The following PRPSAP1 variants were observed in gnomAD, a reference collection of about 807,000 sequenced individuals.
PRPSAP1 encodes phosphoribosyl pyrophosphate synthase-associated protein 1.
PRPSAP1 carries 31 observed loss-of-function variants against 39.4 expected under a neutral mutation model. The observed-to-expected ratio is 0.79, with a 90% CI of 0.59 to 1.06. The LOEUF is 1.06. Among genes scored for constraint, PRPSAP1 ranks in the 50% least tolerant of loss-of-function variants. PRPSAP1 has a pLI of 0.00. For missense variants in PRPSAP1, 430 were observed against 511.6 expected, an observed-to-expected ratio of 0.84 and a Z score of 1.54; for synonymous variants, 212 against 192.6, an observed-to-expected ratio of 1.10 and a Z score of -0.83.
intron 2 of PRPSAP1, among the ~76,000 whole-genome samples, chr17:76,347,563 A>T (rs2071523110): frequency 6.6e-6 from 1 of 150,930 alleles, no homozygotes; most frequent in Admixed American, 6.6e-5. Context: ...CAGGGAGCCA[A>T]GGGGCCAGGA....
chr17:76,342,007 A>G (rs1402739736), intron 3 of PRPSAP1, among the ~76,000 whole-genome samples: 1 of 152,136 alleles, frequency 6.6e-6, no homozygotes, highest in African/African-American at 2.4e-5. Context: ...GAGGCAAACA[A>G]TACAAAACCA....
chr17:76,349,947 G>A (rs2071549706), intron 1 of PRPSAP1, among the ~76,000 whole-genome samples: 1 of 151,806 alleles, frequency 6.6e-6, no homozygotes, highest in South Asian at 2.1e-4. Context: ...TTAGCTGGGT[G>A]TGGTGGTGGG....
In PRPSAP1 at chr17:76,310,930, C is replaced by A. The variant is rs2071064650; in HGVS notation, c.*612G>T. 2 of 152,142 alleles carry A rather than the reference C, an allele frequency of 1.3e-5. No individual in the cohort carries two copies. Among genetic ancestry groups the A allele is most frequent in the African/African-American group, 4.8e-5 (2 of 41,416 alleles). 9.4% of individuals were successfully genotyped at this position (152,142 alleles called of 1,614,324 possible). A position where few individuals can be genotyped will look rare whatever the true frequency, so the allele number is the denominator to read the frequency against. Reference sequence around the variant, plus strand: ...TTCTGCTGTCTAATGAAAAGACTAGCAAGACAACAAATTATTTTATTTGCA... The same window carrying A: ...TTCTGCTGTCTAATGAAAAGACTAGAAAGACAACAAATTATTTTATTTGCA... On this transcript the variant is annotated 3_prime_UTR_variant, in exon 10 of 10. Transcript: ENST00000446526.
At position 76,333,794 on chromosome 17, in the gene PRPSAP1, T is replaced by G. The variant is rs376991621; in HGVS notation, c.291-1359A>C. On this transcript the variant is annotated intron_variant, in intron 3 of 9. Coordinates refer to ENST00000446526, the MANE Select transcript of PRPSAP1 (RefSeq NM_002766.3). The stretch of plus-strand genomic sequence containing the variant: ...TAGAAGGAAAGGCAATTTCCAATGA[T>G]TATAAATTTGGATTGCTAGCTTTTG... 9.2e-5 allele frequency among the ~76,000 whole-genome samples: 14 copies of G among 152,370 alleles called. No homozygotes were observed. In the East Asian group the frequency reaches 2.5e-3, roughly 27 times the overall value.
At chr17:76,330,703 C>G in intron 4 of PRPSAP1, 37 bp from the exon 5 acceptor site, 1 of 1,422,828 alleles carries the variant, frequency 7.0e-7, no homozygotes. Flanking sequence ...AAGTTCACCC[C>G]TACAGGTAAA....
intron 1 of PRPSAP1, 22 bp downstream of exon 1, chr17:76,353,512 G>A (rs1208111790): frequency 9.5e-6 from 14 of 1,478,464 alleles, no homozygotes; most frequent in African/African-American, 1.5e-5. Context: ...CCCCCGGCCC[G>A]GCCCTCCCAC....
intron 7 of PRPSAP1, among the ~76,000 whole-genome samples, chr17:76,317,448 C>G (rs185088739): frequency 0.016 from 2,384 of 152,170 alleles, 74 homozygotes; most frequent in African/African-American, 0.055. Flanking sequence ...TGCTTGAACC[C>G]GGGAGGTGGA....
intron 2 of PRPSAP1, among the ~76,000 whole-genome samples, chr17:76,347,248 A>G (rs2071514835): frequency 6.6e-6 from 1 of 151,938 alleles, no homozygotes; most frequent in African/African-American, 2.4e-5. Context: ...ACACTTTGGG[A>G]GGCCAAGACG....
rs2071375846 is a variant in PRPSAP1, at chr17:76,336,174, C to T, written c.291-3739G>A. Among the ~76,000 whole-genome samples, 4 of 152,250 alleles carry T rather than the reference C, an allele frequency of 2.6e-5. No homozygotes were observed. The Middle Eastern group carries it at 0.014, about 518-fold the overall frequency. On this transcript the variant is annotated intron_variant, in intron 3 of 9. Coordinates refer to ENST00000446526, the MANE Select transcript of PRPSAP1 (RefSeq NM_002766.3). ...TAATAAGCAATTTCTGGGCCGGACG[C>T]GGTGGCTCACGCCAGTAATCCGAGA...
intron 3 of PRPSAP1, among the ~76,000 whole-genome samples, chr17:76,340,874 C>G (rs1366441259): frequency 1.3e-5 from 2 of 149,442 alleles, no homozygotes; most frequent in Non-Finnish European, 3.0e-5. Flanking sequence ...TGCACTCCAG[C>G]CTGGGCAACA....
At chr17:76,331,603 T>A (rs865789755) in intron 4 of PRPSAP1, among the ~76,000 whole-genome samples, 19 of 152,310 alleles carry the variant, frequency 1.2e-4, no homozygotes, top group Middle Eastern at 3.4e-3. Flanking sequence ...AAGACTTGAG[T>A]ATCTTTGGGT....
upstream of PRPSAP1, chr17:76,353,921 C>A (rs1285768036): frequency 4.6e-5 from 61 of 1,321,534 alleles, no homozygotes; most frequent in Non-Finnish European, 5.5e-5. Flanking sequence ...AGAGGCAAGG[C>A]CACCGCCCCC....
rs1217710274 is a variant in PRPSAP1 at position 76,328,757 on chromosome 17, C to T, written c.741G>A (p.Met247Ile). The T allele has an allele frequency of 1.9e-6, 3 of 1,614,088 alleles. No individual in the cohort carries two copies. Among genetic ancestry groups the T allele is most frequent in the Non-Finnish European group, 2.5e-6 (3 of 1,180,022 alleles). The change falls in exon 7 of 10, where the codon ATG (methionine) becomes ATA (isoleucine). Residue 247 changes from methionine (M) to isoleucine (I), a missense_variant. Transcript: ENST00000446526. ...DMDDGRHSPP[M>I]VKNATVHPGL... Reference sequence around the variant, plus strand: ...CTGGGTGCACAGTAGCATTTTTGACCATAGGCGGGGAGTGACGACCATCGT... The same window carrying T: ...CTGGGTGCACAGTAGCATTTTTGACTATAGGCGGGGAGTGACGACCATCGT...
chr17:76,345,441 T>C (rs1157727709), intron 2 of PRPSAP1, among the ~76,000 whole-genome samples: 2 of 151,642 alleles, frequency 1.3e-5, no homozygotes, highest in African/African-American at 2.4e-5. Context: ...CACTCCAGTC[T>C]GGGTGACACA....
At chr17:76,352,099 T>A (rs1165088634) in intron 1 of PRPSAP1, among the ~76,000 whole-genome samples, 1 of 149,268 alleles carries the variant, frequency 6.7e-6, no homozygotes, top group Non-Finnish European at 1.5e-5. Context: ...GAAAAAAAAA[T>A]GACTAAAGTT....
At chr17:76,346,280 A>C (rs1241469324) in intron 2 of PRPSAP1, among the ~76,000 whole-genome samples, 2 of 152,196 alleles carry the variant, frequency 1.3e-5, no homozygotes, top group African/African-American at 4.8e-5. Context: ...ATGTCTCCGA[A>C]GCTGGATTGA....
At chr17:76,328,646 AACC>A (rs936352838) in intron 7 of PRPSAP1, 68 bp downstream of exon 7, 343 of 1,530,296 alleles carry the variant, frequency 2.2e-4, no homozygotes, top group Non-Finnish European at 2.8e-4. Flanking sequence ...ACAACAACAA[AACC>A]AACAAAACCA....
At chr17:76,330,434 T>C (rs1387068558) in intron 5 of PRPSAP1, 117 bp downstream of exon 5, 1 of 746,936 alleles carries the variant, frequency 1.3e-6, no homozygotes, top group Admixed American at 3.0e-5. Context: ...GCCTCAGGCA[T>C]TGTGACTTAA....
At chr17:76,335,887 G>A (rs567720766) in intron 3 of PRPSAP1, among the ~76,000 whole-genome samples, 2 of 152,022 alleles carry the variant, frequency 1.3e-5, no homozygotes, top group Non-Finnish European at 2.9e-5. Context: ...CTAGCTATTC[G>A]GGAGGCTGAG....
Sources: gnomAD v4.1 joint callset for allele counts (sites outside exome capture counted in the v4.1 genomes callset) on GRCh38, gnomAD v4.1.1 for gene constraint, MANE v1.5 for transcripts, NCBI Gene and HGNC (gene_info 2026-07-23, HGNC 2026-07-21) for gene names.